The following UBE3D variants were observed in gnomAD, a reference collection of about 807,000 sequenced individuals.
The protein encoded by UBE3D is ubiquitin protein ligase E3D.
UBE3D carries 48 observed loss-of-function variants against 49.6 expected under a neutral mutation model. The observed-to-expected ratio is 0.97, with a 90% CI of 0.77 to 1.23. UBE3D has a LOEUF of 1.23. Among genes scored for constraint, UBE3D ranks in the 50% most tolerant of loss-of-function variants. UBE3D has a pLI of 0.00. For missense variants in UBE3D, 452 were observed against 468.4 expected, an observed-to-expected ratio of 0.96 and a Z score of 0.32; for synonymous variants, 189 against 174.2, an observed-to-expected ratio of 1.08 and a Z score of -0.67.
rs75584078 is a variant in UBE3D, at chr6:83,039,249, G to T, written c.598-764C>A. 2.9e-4 allele frequency among the ~76,000 whole-genome samples: 44 copies of T among 152,360 alleles called. No homozygotes were observed. The East Asian group carries it at 8.5e-3, about 29-fold the overall frequency. ...ATATACAGTGGGCAGGGAAAAGGAG[G>T]TTCTACAACTCTGGATACTCCAGGG... On this transcript the variant is annotated intron_variant, in intron 4 of 9. Transcript: ENST00000369747.
chr6:82,990,512 A>G (rs940715812), intron 8 of UBE3D, among the ~76,000 whole-genome samples: 2 of 152,120 alleles, frequency 1.3e-5, no homozygotes, highest in Admixed American at 6.5e-5. Flanking sequence ...TCCTGACCTC[A>G]GGTGATCTAC....
intron 4 of UBE3D, among the ~76,000 whole-genome samples, chr6:83,041,316 T>C (rs541055058): frequency 1.3e-5 from 2 of 152,350 alleles, no homozygotes; most frequent in East Asian, 3.9e-4. Context: ...TCTATCCTTA[T>C]CAGACATGGG....
intron 8 of UBE3D, among the ~76,000 whole-genome samples, chr6:82,972,286 C>A (rs1320084512): frequency 6.6e-6 from 1 of 152,188 alleles, no homozygotes; most frequent in East Asian, 1.9e-4. Context: ...TGGTATAACT[C>A]AATTCACATG....
chr6:82,893,175 T>C, intron 9 of UBE3D, 133 bp from the exon 10 acceptor site: 3 of 977,516 alleles, frequency 3.1e-6, no homozygotes, highest in Non-Finnish European at 3.1e-6. Context: ...AAATGACTCT[T>C]AGTGGATCTA....
intron 8 of UBE3D, among the ~76,000 whole-genome samples, chr6:83,005,299 G>A (rs900333798): frequency 1.3e-5 from 2 of 151,160 alleles, no homozygotes; most frequent in African/African-American, 4.9e-5. Context: ...CATCCATTAT[G>A]ACGGCTATTA....
chr6:83,019,766 T>A (rs911525997), intron 7 of UBE3D, among the ~76,000 whole-genome samples: 1 of 152,152 alleles, frequency 6.6e-6, no homozygotes, highest in Non-Finnish European at 1.5e-5. Flanking sequence ...TTCAGCCTGA[T>A]CCATGGGGGA....
chr6:83,032,207 C>T (rs1175494168), intron 5 of UBE3D: 1 of 456,166 alleles, frequency 2.2e-6, no homozygotes, highest in Non-Finnish European at 4.4e-6. Context: ...AGTACCTCAA[C>T]ACCAGCCCAT....
chr6:82,928,765 TC>T (rs1773931718), intron 9 of UBE3D, among the ~76,000 whole-genome samples: 2 of 152,144 alleles, frequency 1.3e-5, no homozygotes, highest in Admixed American at 1.3e-4. Context: ...GATAAAGATA[TC>T]CATGGGAATC....
At chr6:82,895,848 T>G (rs1052157867) in intron 9 of UBE3D, among the ~76,000 whole-genome samples, 2 of 152,228 alleles carry the variant, frequency 1.3e-5, no homozygotes, top group African/African-American at 4.8e-5. Flanking sequence ...AGACTTCCAA[T>G]CTTTGGTATT....
the UBE3D span, among the ~76,000 whole-genome samples, chr6:82,887,388 A>AG: frequency 1.3e-5 from 1 of 79,158 alleles, no homozygotes. Context: ...AGACAGTAAC[A>AG]GTTTTTTTTT....
chr6:83,025,838 G>A (rs940906987), intron 5 of UBE3D, among the ~76,000 whole-genome samples: 13 of 144,774 alleles, frequency 9.0e-5, no homozygotes, highest in East Asian at 2.1e-4. Flanking sequence ...AGCCGAGATC[G>A]TGCCACTGCA....
chr6:82,916,607 G>A lies in UBE3D; in HGVS notation c.1150-23565C>T, dbSNP rs1486091476. ...TACTGAAATGAATAAATATTGTGTTGCTGACTGAAAGCAGAAAATACAAAT... is the reference window on the plus strand; with the variant it reads ...TACTGAAATGAATAAATATTGTGTTACTGACTGAAAGCAGAAAATACAAAT... On this transcript the variant is annotated intron_variant, in intron 9 of 9. Transcript: ENST00000369747. Among the ~76,000 whole-genome samples the A allele has an allele frequency of 2.0e-5, 3 of 152,176 alleles. No homozygotes were observed. In the East Asian group the frequency reaches 5.8e-4, roughly 29 times the overall value.
chr6:83,049,645 C>G, intron 3 of UBE3D: 1 of 329,158 alleles, frequency 3.0e-6, no homozygotes, highest in South Asian at 2.4e-5. Flanking sequence ...TCCCATCTTG[C>G]TGGTTTCCCT....
chr6:83,064,010 A>G (rs1443290563), intron 1 of UBE3D, among the ~76,000 whole-genome samples: 1 of 152,220 alleles, frequency 6.6e-6, no homozygotes, highest in East Asian at 1.9e-4. Flanking sequence ...AGAACAGATA[A>G]ATGAATTGTG....
intron 8 of UBE3D, among the ~76,000 whole-genome samples, chr6:82,998,587 G>A (rs1403196522): frequency 6.6e-6 from 1 of 152,154 alleles, no homozygotes; most frequent in East Asian, 1.9e-4. Flanking sequence ...TAAGGGATTA[G>A]AGTTTTTCTT....
intron 8 of UBE3D, among the ~76,000 whole-genome samples, chr6:82,974,366 A>G (rs147087663): frequency 3.9e-4 from 59 of 152,148 alleles, no homozygotes; most frequent in African/African-American, 1.2e-3. Context: ...ACCCCCCACA[A>G]CAACCTGCAG....
chr6:82,981,572 A>T (rs12209557), intron 8 of UBE3D, among the ~76,000 whole-genome samples: 14,737 of 151,928 alleles, frequency 0.097, 813 homozygotes, highest in Non-Finnish European at 0.13. Context: ...AAAAAAAAAA[A>T]TTTAAATTTA....
downstream of UBE3D, among the ~76,000 whole-genome samples, chr6:82,889,328 C>T (rs1770940646): frequency 6.6e-6 from 1 of 152,220 alleles, no homozygotes; most frequent in Non-Finnish European, 1.5e-5. Flanking sequence ...GCACTTTTTA[C>T]AACAGTGGCT....
intron 8 of UBE3D, among the ~76,000 whole-genome samples, chr6:82,978,727 A>G (rs1025971880): frequency 4.6e-5 from 7 of 152,238 alleles, no homozygotes; most frequent in African/African-American, 1.7e-4. Flanking sequence ...TGTTCAAACA[A>G]AAATCTCAAT....
Sources: gnomAD v4.1 joint callset for allele counts (sites outside exome capture counted in the v4.1 genomes callset) on GRCh38, gnomAD v4.1.1 for gene constraint, MANE v1.5 for transcripts, NCBI Gene and HGNC (gene_info 2026-07-23, HGNC 2026-07-21) for gene names.